Variants in PTPN21 observed in about 807,000 individuals in gnomAD.
The protein encoded by PTPN21 is tyrosine-protein phosphatase non-receptor type 21.
PTPN21 carries 77 observed loss-of-function variants against 131.8 expected under a neutral mutation model. The observed-to-expected ratio is 0.58, with a 90% CI of 0.49 to 0.71. The LOEUF (loss-of-function observed/expected upper bound fraction) is 0.71. Ranked by LOEUF, PTPN21 falls within the 30% of genes least tolerant of loss-of-function variation. PTPN21 has a pLI of 0.00. For synonymous variants in PTPN21, 715 were observed against 621.3 expected (o/e 1.15, Z -2.24); for missense variants, 1,552 against 1,527.1 (o/e 1.02, Z -0.27).
chr14:88,481,759 G>T (rs1450658788), intron 12 of PTPN21, among the ~76,000 whole-genome samples: 1 of 152,194 alleles, frequency 6.6e-6, no homozygotes, highest in Non-Finnish European at 1.5e-5. Flanking sequence ...GACTTGAGGG[G>T]TAAGTGGGTG....
intron 2 of PTPN21, among the ~76,000 whole-genome samples, chr14:88,539,468 C>A (rs937758330): frequency 8.6e-5 from 13 of 151,950 alleles, no homozygotes; most frequent in African/African-American, 3.1e-4. Flanking sequence ...GGCTGGTCTC[C>A]AATTCCCGAC....
At chr14:88,502,326 G>T (rs2140132770) in intron 6 of PTPN21, among the ~76,000 whole-genome samples, 1 of 152,226 alleles carries the variant, frequency 6.6e-6, no homozygotes, top group South Asian at 2.1e-4. Context: ...TGACTCACCT[G>T]TGGACCTGGC....
At chr14:88,532,157 T>G (rs941904603) in intron 2 of PTPN21, among the ~76,000 whole-genome samples, 4 of 150,122 alleles carry the variant, frequency 2.7e-5, no homozygotes, top group Admixed American at 6.6e-5. Flanking sequence ...ACCAGATGGA[T>G]TCACAGCTGA....
Position 88,495,739 on chromosome 14 carries a change from A to G in PTPN21, c.932+674T>C, listed in dbSNP as rs527640211. On this transcript the variant is annotated intron_variant, in intron 10 of 18. Transcript: ENST00000556564. The stretch of plus-strand genomic sequence containing the variant: ...GGTGTCCTGGCAGCCGAAGAAGAGC[A>G]GGATTCCAGAAGGATGGAAGGAGCT... Among the ~76,000 whole-genome samples, 57 of 152,356 alleles carry G rather than the reference A, an allele frequency of 3.7e-4. 1 individual carries two copies. The South Asian group carries it at 9.9e-3, about 27-fold the overall frequency.
At chr14:88,500,911 G>GTTCCT in intron 7 of PTPN21, 40 bp from the exon 8 acceptor site, 1 of 1,438,042 alleles carries the variant, frequency 7.0e-7, no homozygotes, top group Non-Finnish European at 9.8e-7. Flanking sequence ...CCAGGAAGCA[G>GTTCCT]ATGCAGAGGA....
At chr14:88,474,131 C>CAAAAAA (rs754719071) in intron 13 of PTPN21, among the ~76,000 whole-genome samples, 222 of 46,226 alleles carry the variant, frequency 4.8e-3, no homozygotes, top group Middle Eastern at 0.017. Flanking sequence ...AGCTGAAGTC[C>CAAAAAA]AAAAAAAAAA....
Position 88,479,976 on chromosome 14 carries a change from C to T in PTPN21, c.1455G>A (p.Arg485=). The change falls in exon 13 of 19, where the codon AGG becomes AGA. Residue 485 remains arginine (R), a synonymous_variant. Coordinates refer to ENST00000556564, the MANE Select transcript of PTPN21 (RefSeq NM_007039.4). ...LNIGSSYAYS[R]PAALVYSQPE... ...GCTGGCTGTAGACCAGCGCCGCGGGCCTGCTGTAGGCGTACGAGCTGCCGA... is the reference window on the plus strand; with the variant it reads ...GCTGGCTGTAGACCAGCGCCGCGGGTCTGCTGTAGGCGTACGAGCTGCCGA... 6.2e-7 allele frequency: 1 copy of T among 1,610,462 alleles called. No homozygotes were observed. The highest frequency in any genetic ancestry group is 8.5e-7 in the Non-Finnish European group (1 of 1,180,020).
chr14:88,518,415 T>TA (rs1285045246), intron 2 of PTPN21, among the ~76,000 whole-genome samples: 33 of 7,972 alleles, frequency 4.1e-3, no homozygotes, highest in East Asian at 0.017. Flanking sequence ...TATATATATA[T>TA]TTTTTTTTTT....
chr14:88,543,580 A>G (rs1303862549), intron 2 of PTPN21, among the ~76,000 whole-genome samples: 1 of 152,220 alleles, frequency 6.6e-6, no homozygotes, highest in Non-Finnish European at 1.5e-5. Flanking sequence ...CAGCAACAAC[A>G]TAGGTGCAAG....
intron 2 of PTPN21, among the ~76,000 whole-genome samples, chr14:88,549,599 T>A (rs1247098019): frequency 6.6e-6 from 1 of 151,960 alleles, no homozygotes; most frequent in African/African-American, 2.4e-5. Context: ...GTCGTGTTTT[T>A]TTTATTTATT....
chr14:88,501,063 C>A (rs2078000845), intron 7 of PTPN21, 192 bp from the exon 8 acceptor site: 1 of 641,184 alleles, frequency 1.6e-6, no homozygotes, highest in South Asian at 2.0e-5. Flanking sequence ...GTTTGGCCCT[C>A]CTTAGGAACT....
intron 2 of PTPN21, among the ~76,000 whole-genome samples, chr14:88,517,646 A>C (rs2078293790): frequency 6.8e-6 from 1 of 147,534 alleles, no homozygotes; most frequent in Non-Finnish European, 1.5e-5. Flanking sequence ...AATTTATCAT[A>C]TATATGTATA....
chr14:88,470,418 T>C (rs969087606), intron 15 of PTPN21: 5 of 191,458 alleles, frequency 2.6e-5, no homozygotes, highest in African/African-American at 1.2e-4. Flanking sequence ...GTAGCTGTTA[T>C]TGCAGACATG....
intron 2 of PTPN21, among the ~76,000 whole-genome samples, chr14:88,546,936 C>G (rs2078791076): frequency 6.6e-6 from 1 of 152,238 alleles, no homozygotes; most frequent in Non-Finnish European, 1.5e-5. Context: ...ACTTTCTACC[C>G]ATGACTGTTA....
chr14:88,486,596 G>A (rs1286836499), intron 10 of PTPN21, among the ~76,000 whole-genome samples: 1 of 152,086 alleles, frequency 6.6e-6, no homozygotes, highest in Non-Finnish European at 1.5e-5. Flanking sequence ...GGAAAGCAAA[G>A]CACAAGACTT....
Position 88,496,848 on chromosome 14 carries a change from G to C in PTPN21, c.852+355C>G, listed in dbSNP as rs532656716. Reference sequence around the variant, plus strand: ...TAACTCAATATTGCCTTTGTCAAGAGAGCAAAAGCAAGTAACTGTTAAATA... The same window carrying C: ...TAACTCAATATTGCCTTTGTCAAGACAGCAAAAGCAAGTAACTGTTAAATA... On this transcript the variant is annotated intron_variant, in intron 9 of 18. Coordinates refer to ENST00000556564, the MANE Select transcript of PTPN21 (RefSeq NM_007039.4). 3.3e-5 allele frequency among the ~76,000 whole-genome samples: 5 copies of C among 152,280 alleles called. No individual in the cohort carries two copies. In the South Asian group the frequency reaches 1.0e-3, roughly 32 times the overall value.
In PTPN21 at chr14:88,505,316, G is replaced by C; in HGVS notation, c.504C>G (p.Ala168=). 6.2e-7 allele frequency: 1 copy of C among 1,607,038 alleles called. No homozygotes were observed. Reference sequence around the variant, plus strand: ...AAAGAAGTCTTACCACAGGAAACAAGGCAAATTTCTGAAGAAAGTCCTGGG... The same window carrying C: ...AAAGAAGTCTTACCACAGGAAACAACGCAAATTTCTGAAGAAAGTCCTGGG... ...YESQDFLQKF[A]LFPVGWLQDE... is the part of the protein sequence containing the mutation. The change falls in exon 5 of 19, where the codon GCC becomes GCG. Residue 168 remains alanine, a synonymous_variant. Coordinates refer to ENST00000556564, the MANE Select transcript of PTPN21 (RefSeq NM_007039.4).
At chr14:88,541,203 AG>A (rs946601384) in intron 2 of PTPN21, among the ~76,000 whole-genome samples, 6 of 152,202 alleles carry the variant, frequency 3.9e-5, no homozygotes, top group Non-Finnish European at 8.8e-5. Context: ...ATCCTCATGA[AG>A]GATTTGTGAC....
At chr14:88,503,053 C>T (rs1342220391) in intron 6 of PTPN21, among the ~76,000 whole-genome samples, 75 of 141,116 alleles carry the variant, frequency 5.3e-4, no homozygotes, top group Middle Eastern at 3.7e-3. Flanking sequence ...AAATCTTTTT[C>T]TTTTTTTTTT....
Sources: allele counts gnomAD v4.1 joint callset (sites outside exome capture counted in the v4.1 genomes callset), GRCh38; gene constraint gnomAD v4.1.1; transcripts MANE v1.5; gene names NCBI Gene and HGNC (gene_info 2026-07-23, HGNC 2026-07-21).